Variants in CDH13 observed in about 807,000 individuals in gnomAD.
The protein encoded by CDH13 is cadherin 13, also known as cadherin-13.
In CDH13, 24 loss-of-function variants were observed where a neutral mutation model predicts 63.8. The ratio of observed to expected loss-of-function variants is 0.38; its 90% CI spans 0.27 to 0.53. The LOEUF is 0.53. Among genes scored for constraint, CDH13 ranks in the 20% least tolerant of loss-of-function variants. CDH13 has a pLI of 0.85. For synonymous variants in CDH13, 503 were observed against 355.3 expected (o/e 1.42, Z -4.67); for missense variants, 1,049 against 903.1 (o/e 1.16, Z -2.07).
At chr16:82,715,645 C>T (rs1455250186) in intron 1 of CDH13, among the ~76,000 whole-genome samples, 3 of 152,122 alleles carry the variant, frequency 2.0e-5, no homozygotes, top group Non-Finnish European at 4.4e-5. Context: ...ACATCCCCAC[C>T]GTCTGTGCCC....
chr16:83,785,077 C>G (rs907698001), intron 13 of CDH13, among the ~76,000 whole-genome samples: 7 of 152,138 alleles, frequency 4.6e-5, no homozygotes, highest in Non-Finnish European at 8.8e-5. Context: ...ATTAGGAAAC[C>G]TTGTCAAAGC....
chr16:83,455,881 C>T (rs1598060726), intron 6 of CDH13, among the ~76,000 whole-genome samples: 1 of 152,224 alleles, frequency 6.6e-6, no homozygotes, highest in Non-Finnish European at 1.5e-5. Context: ...TAAATTTCAT[C>T]TCTCGCAGCT....
intron 3 of CDH13, among the ~76,000 whole-genome samples, chr16:83,101,377 A>G (rs1022539160): frequency 1.3e-5 from 2 of 150,170 alleles, no homozygotes; most frequent in Non-Finnish European, 3.0e-5. Context: ...ATGCTTATAT[A>G]CTCTATGTCT....
intron 1 of CDH13, among the ~76,000 whole-genome samples, chr16:82,652,863 A>G (rs1457693890): frequency 6.6e-6 from 1 of 152,202 alleles, no homozygotes; most frequent in African/African-American, 2.4e-5. Flanking sequence ...GGCACATTTA[A>G]CAAAGACCAG....
chr16:83,468,031 G>A lies in CDH13; in HGVS notation c.782-18446G>A, dbSNP rs2073360782. Among the ~76,000 whole-genome samples the A allele has an allele frequency of 2.0e-5, 3 of 152,214 alleles. No individual in the cohort carries two copies. The South Asian group carries it at 6.2e-4, about 32-fold the overall frequency. On this transcript the variant is annotated intron_variant, in intron 6 of 13. Coordinates refer to ENST00000567109, the MANE Select transcript of CDH13 (RefSeq NM_001257.5). ...AGCACAGTTCACAGGTGTATCAGCTGAGGAAGCATCTCACAAACTGTCTTC... is the reference window on the plus strand; with the variant it reads ...AGCACAGTTCACAGGTGTATCAGCTAAGGAAGCATCTCACAAACTGTCTTC...
chr16:83,214,063 C>T (rs1160319761), intron 4 of CDH13, among the ~76,000 whole-genome samples: 1 of 152,032 alleles, frequency 6.6e-6, no homozygotes, highest in East Asian at 1.9e-4. Context: ...TAAAAGCTGG[C>T]CACCCCCAAG....
intron 6 of CDH13, among the ~76,000 whole-genome samples, chr16:83,371,459 G>A (rs780326195): frequency 1.1e-4 from 16 of 152,122 alleles, no homozygotes; most frequent in Non-Finnish European, 2.1e-4. Flanking sequence ...TATACTTTCT[G>A]AAAATGCAAT....
intron 6 of CDH13, among the ~76,000 whole-genome samples, chr16:83,370,583 C>T (rs2091348984): frequency 6.6e-6 from 1 of 152,024 alleles, no homozygotes; most frequent in Non-Finnish European, 1.5e-5. Context: ...AAGCATGGTA[C>T]CCTATAGGTA....
intron 2 of CDH13, among the ~76,000 whole-genome samples, chr16:82,951,413 G>A (rs1485197711): frequency 6.6e-6 from 1 of 152,174 alleles, no homozygotes; most frequent in South Asian, 2.1e-4. Context: ...CTGATATTCA[G>A]CTATTGGCAT....
intron 6 of CDH13, among the ~76,000 whole-genome samples, chr16:83,423,728 T>C (rs972599342): frequency 6.6e-6 from 1 of 152,194 alleles, no homozygotes; most frequent in Non-Finnish European, 1.5e-5. Flanking sequence ...CTAATAAATA[T>C]GTAGGATCAA....
intron 2 of CDH13, among the ~76,000 whole-genome samples, chr16:82,972,655 G>A (rs1908931949): frequency 6.6e-6 from 1 of 152,172 alleles, no homozygotes. Context: ...CACGTGGTAA[G>A]CATTTAACAC....
chr16:83,646,700 A>ACAC (rs1567477992), intron 8 of CDH13, among the ~76,000 whole-genome samples: 2 of 80,028 alleles, frequency 2.5e-5, no homozygotes, highest in African/African-American at 6.8e-5. Context: ...CTCAAAAAAA[A>ACAC]AAAAAAAAAA....
chr16:82,947,992 T>C (rs1187301356), intron 2 of CDH13, among the ~76,000 whole-genome samples: 1 of 152,192 alleles, frequency 6.6e-6, no homozygotes, highest in Non-Finnish European at 1.5e-5. Context: ...TCATTTGGCA[T>C]TCATGTGGAC....
At chr16:82,793,738 A>G (rs2036436187) in intron 1 of CDH13, among the ~76,000 whole-genome samples, 1 of 152,170 alleles carries the variant, frequency 6.6e-6, no homozygotes. Context: ...CTTGCAATCA[A>G]CAGGGCGCTC....
intron 6 of CDH13, among the ~76,000 whole-genome samples, chr16:83,426,533 A>G (rs994066284): frequency 1.3e-5 from 2 of 151,778 alleles, no homozygotes; most frequent in African/African-American, 2.4e-5. Context: ...ACACACACAC[A>G]CACACACACA....
At chr16:83,474,451 G>C (rs1392359697) in intron 6 of CDH13, among the ~76,000 whole-genome samples, 1 of 152,052 alleles carries the variant, frequency 6.6e-6, no homozygotes. Flanking sequence ...AAAATCTCTG[G>C]GGGAGAGTCT....
At chr16:82,769,012 T>C (rs2035164978) in intron 1 of CDH13, among the ~76,000 whole-genome samples, 1 of 152,216 alleles carries the variant, frequency 6.6e-6, no homozygotes, top group Admixed American at 6.5e-5. Flanking sequence ...CTGGCAAGAT[T>C]GAGATAGAAC....
rs150616183 is a variant in CDH13 at position 82,962,072 on chromosome 16, C to T, written c.158-69938C>T. Among the ~76,000 whole-genome samples the T allele has an allele frequency of 1.6e-3, 250 of 152,252 alleles. 1 individual carries two copies. Among genetic ancestry groups the T allele is most frequent in the African/African-American group, 5.6e-3 (234 of 41,540 alleles). ...CACTGGAAGACACCCATGTCAAATCCCAGGAGCCAGTGAATGTGAGCTTAT... is the reference window on the plus strand; with the variant it reads ...CACTGGAAGACACCCATGTCAAATCTCAGGAGCCAGTGAATGTGAGCTTAT... On this transcript the variant is annotated intron_variant, in intron 2 of 13. Coordinates refer to ENST00000567109, the MANE Select transcript of CDH13 (RefSeq NM_001257.5).
chr16:83,327,264 T>G (rs1311392181), intron 5 of CDH13, among the ~76,000 whole-genome samples: 1 of 152,216 alleles, frequency 6.6e-6, no homozygotes, highest in African/African-American at 2.4e-5. Flanking sequence ...GTAAAATATT[T>G]TTGCACACTT....
Sources: gnomAD v4.1 joint callset for allele counts (sites outside exome capture counted in the v4.1 genomes callset) on GRCh38, gnomAD v4.1.1 for gene constraint, MANE v1.5 for transcripts, NCBI Gene and HGNC (gene_info 2026-07-23, HGNC 2026-07-21) for gene names.